C2: variants seen among roughly 807,000 people sequenced by gnomAD.
C2 encodes complement C2.
In C2, 64 loss-of-function variants were observed where a neutral mutation model predicts 85.2. That is an observed-to-expected ratio of 0.75 (90% CI 0.61 to 0.92). C2 has a LOEUF of 0.92. Among genes scored for constraint, C2 ranks in the 40% least tolerant of loss-of-function variants. C2 has a pLI of 0.00. For synonymous variants in C2, 311 were observed against 370.8 expected (o/e 0.84, Z 1.85); for missense variants, 820 against 971.6 (o/e 0.84, Z 2.07).
Position 31,937,443 on chromosome 6 carries a change from C to T in C2, c.1113C>T (p.Ile371=), listed in dbSNP as rs759965839. 1 of 1,612,876 alleles carries T rather than the reference C, an allele frequency of 6.2e-7. No individual in the cohort carries two copies. Among genetic ancestry groups the T allele is most frequent in the South Asian group, 1.1e-5 (1 of 91,074 alleles). Residue 371 remains isoleucine, a synonymous_variant, in exon 8 of 18, where the codon ATC becomes ATT. Coordinates refer to ENST00000299367, the MANE Select transcript of C2 (RefSeq NM_000063.6). ...CCTGGCAGGAAATCCGACATGCCAT[C>T]ATCCTTCTGACAGATGGTGGGTATC... is the stretch of plus-strand genomic sequence containing the variant. ...TMAWQEIRHA[I]ILLTDGKSNM...
At chr6:31,913,637 A>G (rs887442883) in intron 1 of C2, among the ~76,000 whole-genome samples, 6 of 152,172 alleles carry the variant, frequency 3.9e-5, no homozygotes, top group African/African-American at 1.4e-4. Flanking sequence ...AGCTGACGTT[A>G]AGTAAAGGAG....
intron 6 of C2, chr6:31,934,512 C>A: frequency 7.8e-7 from 1 of 1,282,214 alleles, no homozygotes; most frequent in Non-Finnish European, 1.1e-6. Context: ...TGGGGCTGGG[C>A]GACAGCAAAG....
rs543990637 is a variant in C2, at chr6:31,935,757, C to A, written c.850-166C>A. On this transcript the variant is annotated intron_variant, in intron 6 of 17. Transcript: ENST00000299367. The surrounding 1 kb of genome is among the most constrained non-coding windows in gnomAD (Gnocchi z 4.3). ...TTCAGGCATGAGCCACCGCGCCCAG[C>A]CCCTAGCTTCTTCCTAACAGCCATT... Among the ~76,000 whole-genome samples, 1 of 152,222 alleles carries A rather than the reference C, an allele frequency of 6.6e-6. No homozygotes were observed. The highest frequency in any genetic ancestry group is 1.5e-5 in the Non-Finnish European group (1 of 68,000).
chr6:31,929,206 C>A (rs1012544320), intron 3 of C2, among the ~76,000 whole-genome samples: 2 of 152,212 alleles, frequency 1.3e-5, no homozygotes, highest in African/African-American at 4.8e-5. Context: ...TCAGGCCCCA[C>A]AGATTGTTGT....
rs148330562 is a variant in C2, at chr6:31,933,887, C to A, written c.637C>A (p.Pro213Thr). The change falls in exon 5 of 18, where the codon CCT becomes ACT. Residue 213 changes from proline (P) to threonine (T), a missense_variant. Transcript: ENST00000299367. ...ICRQPYSYDF[P>T]EDVAPALGTS... is the part of the protein sequence containing the mutation. ...CACAGAACCCTACTCTTATGACTTCCCTGAGGACGTGGCCCCTGCCCTGGG... is the reference window on the plus strand; with the variant it reads ...CACAGAACCCTACTCTTATGACTTCACTGAGGACGTGGCCCCTGCCCTGGG... The A allele has an allele frequency of 3.7e-6, 6 of 1,614,160 alleles. No homozygotes were observed. In the African/African-American group the frequency reaches 5.3e-5, roughly 14 times the overall value.
rs1008340133 is a variant in C2 at position 31,904,550 on chromosome 6, G to T, written c.73+3411G>T. 6.6e-6 allele frequency among the ~76,000 whole-genome samples: 1 copy of T among 151,984 alleles called. No individual in the cohort carries two copies. Among genetic ancestry groups the T allele is most frequent in the Non-Finnish European group, 1.5e-5 (1 of 68,026 alleles). ...GCTGGTCTCGAACTCCTGACCTCGG[G>T]TGATCCACCTTGCTCAGCCTCCCAA... is the stretch of plus-strand genomic sequence containing the variant. On this transcript the variant is annotated intron_variant, in intron 1 of 3. Transcript: ENST00000452202. This position sits in a 1 kb window ranked among gnomAD's most constrained non-coding sequence, Gnocchi z 4.4.
Position 31,944,350 on chromosome 6 carries a change from C to T in C2, c.1902+124C>T. 1 of 742,714 alleles carries T rather than the reference C, an allele frequency of 1.3e-6. No homozygotes were observed. Among genetic ancestry groups the T allele is most frequent in the Non-Finnish European group, 2.4e-6 (1 of 411,418 alleles). The allele number at this position is 742,714 out of a possible 1,614,324, so 46.0% of individuals were successfully genotyped here. ...GGGTCACCCCTCCTCCCAAGCCTCA[C>T]AAACCTGCTAGGTGTCCCTGGGTCT... On this transcript the variant is annotated intron_variant, in intron 15 of 17. Transcript: ENST00000299367. The surrounding 1 kb of genome is among the most constrained non-coding windows in gnomAD (Gnocchi z 5.1).
intron 6 of C2, chr6:31,934,874 T>G: frequency 4.3e-6 from 1 of 235,010 alleles, no homozygotes. Context: ...CCACATGTGA[T>G]GGCGCACGCC....
upstream of C2, chr6:31,900,735 C>T: frequency 1.9e-6 from 3 of 1,596,390 alleles, no homozygotes; most frequent in Non-Finnish European, 1.7e-6. The surrounding 1 kb of genome is among the most constrained non-coding windows in gnomAD (Gnocchi z 9.7). Context: ...GCTTTCAGCT[C>T]CAAGTCTTCA....
Position 31,927,908 on chromosome 6 carries a change from G to A in C2, c.47-47G>A. 6.3e-7 allele frequency: 1 copy of A among 1,597,414 alleles called. No homozygotes were observed. The highest frequency in any genetic ancestry group is 2.2e-5 in the East Asian group (1 of 44,802). On this transcript the variant is annotated intron_variant, in intron 1 of 17. Coordinates refer to ENST00000299367, the MANE Select transcript of C2 (RefSeq NM_000063.6). The surrounding 1 kb of genome is among the most constrained non-coding windows in gnomAD (Gnocchi z 4.7). ...CTTTTGCTTTCCTTTTCTCATCTGT[G>A]TCTTCCTTCTTTCTCCATTGCTGTC...
At chr6:31,899,915 C>T (rs374649189), upstream of C2, 897 of 1,563,630 alleles carry the variant, frequency 5.7e-4, 2 homozygotes, top group Non-Finnish European at 7.5e-4. Flanking sequence ...CTGGCCTCCA[C>T]GCCTGCGCGG....
chr6:31,932,513 C>T (rs879087194), intron 3 of C2: 24 of 223,608 alleles, frequency 1.1e-4, no homozygotes, highest in Admixed American at 8.7e-4. Context: ...ACATCTCAGA[C>T]GATGGGCGGC....
In C2 at chr6:31,933,923, T is replaced by TCC. The variant is rs765371189; in HGVS notation, c.675_676dup (p.His226ProfsTer29). ...GGCCCCTGCCCTGGGCACTTCCTTCTCCCACATGCTTGGGGCCACCAATCC... is the reference window on the plus strand; with the variant it reads ...GGCCCCTGCCCTGGGCACTTCCTTCTCCCCCACATGCTTGGGGCCACCAATCC... On this transcript the variant is annotated frameshift_variant, in exon 5 of 18. Transcript: ENST00000299367. LOFTEE classifies it high-confidence loss of function. 2 of 1,614,058 alleles carry TCC rather than the reference T, an allele frequency of 1.2e-6. No individual in the cohort carries two copies. Among genetic ancestry groups the TCC allele is most frequent in the Non-Finnish European group, 1.7e-6 (2 of 1,180,012 alleles).
At chr6:31,931,918 C>T (rs1414660772) in intron 3 of C2, among the ~76,000 whole-genome samples, 3 of 75,672 alleles carry the variant, frequency 4.0e-5, no homozygotes, top group African/African-American at 3.6e-5. Context: ...CCCTCCCGGA[C>T]GGCGCGGCTG....
intron 1 of C2, among the ~76,000 whole-genome samples, chr6:31,910,708 G>A (rs1015501534): frequency 6.6e-6 from 1 of 152,024 alleles, no homozygotes; most frequent in Non-Finnish European, 1.5e-5. Flanking sequence ...AGCCCAGCAC[G>A]GTGGCCCACA....
chr6:31,938,937 G>C (rs1770658942), intron 8 of C2, among the ~76,000 whole-genome samples: 1 of 152,094 alleles, frequency 6.6e-6, no homozygotes. Flanking sequence ...ACAGGCATGA[G>C]CCACCATGCC....
chr6:31,919,786 A>G (rs777821820), upstream of C2, among the ~76,000 whole-genome samples: 12 of 152,182 alleles, frequency 7.9e-5, no homozygotes, highest in Non-Finnish European at 1.6e-4. Flanking sequence ...AAGCTTGCAG[A>G]GACTGCGTAG....
intron 6 of C2, 195 bp downstream of exon 6, chr6:31,934,494 C>T: frequency 8.3e-7 from 1 of 1,201,384 alleles, no homozygotes; most frequent in African/African-American, 1.5e-5. Flanking sequence ...ACTGTTGGGA[C>T]ACTGTGCTGG....
intron 1 of C2, among the ~76,000 whole-genome samples, chr6:31,909,656 G>A (rs966853872): frequency 4.0e-5 from 6 of 150,114 alleles, no homozygotes; most frequent in East Asian, 2.0e-4. Flanking sequence ...GGCTGGTCTC[G>A]AACTGCTAGG....
Sources: allele counts gnomAD v4.1 joint callset (sites outside exome capture counted in the v4.1 genomes callset), GRCh38; gene constraint gnomAD v4.1.1; non-coding constraint Gnocchi (gnomAD v3.1); transcripts MANE v1.5; gene names NCBI Gene and HGNC (gene_info 2026-07-23, HGNC 2026-07-21).